The following TPBG variants were observed in gnomAD, a reference collection of about 807,000 sequenced individuals.
The protein encoded by TPBG is trophoblast glycoprotein.
TPBG carries 13 observed loss-of-function variants against 19.3 expected under a neutral mutation model. That is an observed-to-expected ratio of 0.67 (90% CI 0.44 to 1.07). The LOEUF is 1.07. Among genes scored for constraint, TPBG ranks in the 50% least tolerant of loss-of-function variants. The pLI is 0.00. For synonymous variants in TPBG, 338 were observed against 259.8 expected (o/e 1.30, Z -2.89); for missense variants, 642 against 559.6 (o/e 1.15, Z -1.49).
Position 82,365,107 on chromosome 6 carries a change from C to G in TPBG, c.146C>G (p.Ala49Gly). 6.3e-7 allele frequency: 1 copy of G among 1,587,398 alleles called. No individual in the cohort carries two copies. The highest frequency in any genetic ancestry group is 8.6e-7 in the Non-Finnish European group (1 of 1,167,154). ...TTCTCCTCCTCGGCGCCGTTCCTGG[C>G]TTCCGCCGTGTCCGCCCAGCCCCCG... ...SSFSSSAPFL[A>G]SAVSAQPPLP... Residue 49 changes from alanine (A) to glycine (G), a missense_variant, in exon 2 of 2, where the codon GCT (alanine) becomes GGT (glycine). Physicochemically the swap from Ala to Gly is moderately conservative, Grantham distance 60 (BLOSUM62 0). Coordinates refer to ENST00000369750, the MANE Select transcript of TPBG (RefSeq NM_001376922.1).
rs1375913603 is a variant in TPBG at position 82,364,973 on chromosome 6, G to C, written c.12G>C (p.Gly4=). 6.6e-7 allele frequency: 1 copy of C among 1,509,106 alleles called. No homozygotes were observed. Among genetic ancestry groups the C allele is most frequent in the Non-Finnish European group, 8.8e-7 (1 of 1,131,280 alleles). The allele number at this position is 1,509,106 out of a possible 1,614,324, so 93.5% of individuals were successfully genotyped here. The change falls in exon 2 of 2, where the codon GGG becomes GGC. Residue 4 remains glycine (G), a synonymous_variant. Coordinates refer to ENST00000369750, the MANE Select transcript of TPBG (RefSeq NM_001376922.1). ...AAACGCGAGCCGCGATGCCTGGGGG[G>C]TGCTCCCGGGGCCCCGCCGCCGGGG... MPG[G]CSRGPAAGDG...
At position 82,366,874 on chromosome 6, in the gene TPBG, C is replaced by T. The variant is rs1767519160; in HGVS notation, c.*650C>T. ...CTGATTTTTTTTTAATAAACTGCAT[C>T]GAGATCCAACCGACTGAATTGTTAA... On this transcript the variant is annotated 3_prime_UTR_variant, in exon 2 of 2. Transcript: ENST00000369750. 1 of 163,062 alleles carries T rather than the reference C, an allele frequency of 6.1e-6. No homozygotes were observed. The highest frequency in any genetic ancestry group is 1.5e-5 in the Non-Finnish European group (1 of 67,554). 10.1% of individuals were successfully genotyped at this position (163,062 alleles called of 1,614,324 possible).
At position 82,365,474 on chromosome 6, in the gene TPBG, C is replaced by T. The variant is rs1470679643; in HGVS notation, c.513C>T (p.Ala171=). Residue 171 remains alanine, a synonymous_variant, in exon 2 of 2, where the codon GCC becomes GCT. Transcript: ENST00000369750. ...AFSGSNASVS[A]PSPLVELILN... is the part of the protein sequence containing the mutation. ...CGGGCAGCAATGCCAGCGTCTCGGC[C>T]CCCAGTCCCCTTGTGGAACTGATCC... The T allele has an allele frequency of 3.7e-6, 6 of 1,608,518 alleles. No individual in the cohort carries two copies. The highest frequency in any genetic ancestry group is 2.2e-5 in the East Asian group (1 of 44,862).
rs778997503 is a variant in TPBG at position 82,365,530 on chromosome 6, G to A, written c.569G>A (p.Arg190Gln). The change falls in exon 2 of 2, where the codon CGG becomes CAG. Residue 190 changes from arginine to glutamine, a missense_variant. Arg to Gln is a conservative substitution (Grantham distance 43). Transcript: ENST00000369750. Reference protein sequence around the residue: ...LNHIVPPEDERQNRSFEGMVV... With the variant: ...LNHIVPPEDEQQNRSFEGMVV... ...CACATCGTGCCCCCTGAAGATGAGCGGCAGAACCGGAGCTTCGAGGGCATG... is the reference window on the plus strand; with the variant it reads ...CACATCGTGCCCCCTGAAGATGAGCAGCAGAACCGGAGCTTCGAGGGCATG... The A allele has an allele frequency of 2.5e-6, 4 of 1,575,818 alleles. 1 individual carries two copies. The highest frequency in any genetic ancestry group is 2.4e-5 in the South Asian group (2 of 84,044).
At position 82,366,554 on chromosome 6, in the gene TPBG, CCA is replaced by C; in HGVS notation, c.*335_*336del. ...ACAGTTCAAGGTGTAGCAAGTGTACCCACACAGATAGCATTCAACAAAAGCTG... is the reference window on the plus strand; with the variant it reads ...ACAGTTCAAGGTGTAGCAAGTGTACCCACAGATAGCATTCAACAAAAGCTG... On this transcript the variant is annotated 3_prime_UTR_variant, in exon 2 of 2. Transcript: ENST00000369750. 1 of 220,952 alleles carries C rather than the reference CCA, an allele frequency of 4.5e-6. No individual in the cohort carries two copies. Among genetic ancestry groups the C allele is most frequent in the Non-Finnish European group, 9.7e-6 (1 of 103,582 alleles). 13.7% of individuals were successfully genotyped at this position (220,952 alleles called of 1,614,324 possible).
Position 82,366,243 on chromosome 6 carries a change from C to A in TPBG, c.*19C>A, listed in dbSNP as rs1767500898. On this transcript the variant is annotated 3_prime_UTR_variant, in exon 2 of 2. Coordinates refer to ENST00000369750, the MANE Select transcript of TPBG (RefSeq NM_001376922.1). ...TGTCTGAGAAATATTAGAGGACAGA[C>A]CAAGGACAACTCTGCATGAGATGTA... The A allele has an allele frequency of 6.4e-7, 1 of 1,555,168 alleles. No individual in the cohort carries two copies. The highest frequency in any genetic ancestry group is 1.4e-5 in the African/African-American group (1 of 73,064).
At position 82,365,856 on chromosome 6, in the gene TPBG, G is replaced by T; in HGVS notation, c.895G>T (p.Asp299Tyr). Residue 299 changes from aspartate (D) to tyrosine (Y), a missense_variant, in exon 2 of 2, where the codon GAC becomes TAC. Asp to Tyr is a radical substitution (Grantham distance 160, BLOSUM62 -3). Transcript: ENST00000369750. ...VFLDNNPWVCDCHMADMVTWL... is the reference protein window; with the variant it reads ...VFLDNNPWVCYCHMADMVTWL... ...CCTGGACAACAATCCCTGGGTCTGC[G>T]ACTGCCACATGGCAGACATGGTGAC... The T allele has an allele frequency of 6.2e-7, 1 of 1,614,152 alleles. No individual in the cohort carries two copies. The highest frequency in any genetic ancestry group is 8.5e-7 in the Non-Finnish European group (1 of 1,180,040).
chr6:82,365,179 G>A lies in TPBG; in HGVS notation c.218G>A (p.Arg73His), dbSNP rs769819568. 2 of 1,601,458 alleles carry A rather than the reference G, an allele frequency of 1.2e-6. No homozygotes were observed. The highest frequency in any genetic ancestry group is 1.4e-5 in the African/African-American group (1 of 73,492). ...PALCECSEAA[R>H]TVKCVNRNLT... ...CTGTGCGAGTGCTCCGAGGCAGCGCGCACAGTCAAGTGCGTTAACCGCAAT... is the reference window on the plus strand; with the variant it reads ...CTGTGCGAGTGCTCCGAGGCAGCGCACACAGTCAAGTGCGTTAACCGCAAT... Residue 73 changes from arginine to histidine, a missense_variant, in exon 2 of 2, where the codon CGC becomes CAC. Arg to His is a conservative substitution (Grantham distance 29, BLOSUM62 0). Coordinates refer to ENST00000369750, the MANE Select transcript of TPBG (RefSeq NM_001376922.1).
At position 82,364,841 on chromosome 6, in the gene TPBG, C is replaced by T. The variant is rs1309320479; in HGVS notation, c.-121C>T. On this transcript the variant is annotated 5_prime_UTR_variant, in exon 2 of 2. Coordinates refer to ENST00000369750, the MANE Select transcript of TPBG (RefSeq NM_001376922.1). ...CGGCTGCGGCGCCACTCCCTCGGTT[C>T]CACGAGAGGAAAGTTTTTTTTTTCC... is the stretch of plus-strand genomic sequence containing the variant. The T allele has an allele frequency of 1.2e-5, 11 of 900,754 alleles. No homozygotes were observed. Among genetic ancestry groups the T allele is most frequent in the Non-Finnish European group, 1.7e-5 (11 of 648,388 alleles). 55.8% of individuals were successfully genotyped at this position (900,754 alleles called of 1,614,324 possible). A position where few individuals can be genotyped will look rare whatever the true frequency, so the allele number is the denominator to read the frequency against.
chr6:82,364,072 A>G (rs1465712832), intron 1 of TPBG, among the ~76,000 whole-genome samples, 164 bp downstream of exon 1: 1 of 150,330 alleles, frequency 6.7e-6, no homozygotes, highest in African/African-American at 2.5e-5. Flanking sequence ...GATGACTTGA[A>G]CCCCTTTGAG....
rs757395569 is a variant in TPBG at position 82,365,339 on chromosome 6, C to T, written c.378C>T (p.Ser126=). ...PLAELAALNL[S]GSRLDEVRAG... is the part of the protein sequence containing the mutation. ...CGGAGCTGGCCGCGCTCAACCTCAGCGGCAGCCGCCTGGACGAGGTGCGCG... is the reference window on the plus strand; with the variant it reads ...CGGAGCTGGCCGCGCTCAACCTCAGTGGCAGCCGCCTGGACGAGGTGCGCG... The change falls in exon 2 of 2, where the codon AGC becomes AGT. Residue 126 remains serine, a synonymous_variant. Coordinates refer to ENST00000369750, the MANE Select transcript of TPBG (RefSeq NM_001376922.1). 1 of 1,577,578 alleles carries T rather than the reference C, an allele frequency of 6.3e-7. No homozygotes were observed. The highest frequency in any genetic ancestry group is 1.1e-5 in the South Asian group (1 of 87,014).
upstream of TPBG, chr6:82,363,551 A>AT (rs986558907): frequency 1.1e-4 from 16 of 152,252 alleles, no homozygotes; most frequent in African/African-American, 3.4e-4. Context: ...TAAATACAGT[A>AT]TGCAAAATGA....
At position 82,364,967 on chromosome 6, in the gene TPBG, T is replaced by G; in HGVS notation, c.6T>G (p.Pro2=). 6.6e-7 allele frequency: 1 copy of G among 1,504,936 alleles called. No individual in the cohort carries two copies. The highest frequency in any genetic ancestry group is 1.3e-5 in the South Asian group (1 of 75,314). 93.2% of individuals were successfully genotyped at this position (1,504,936 alleles called of 1,614,324 possible). M[P]GGCSRGPAAG... is the part of the protein sequence containing the mutation. Reference sequence around the variant, plus strand: ...CCGGGGAAACGCGAGCCGCGATGCCTGGGGGGTGCTCCCGGGGCCCCGCCG... The same window carrying G: ...CCGGGGAAACGCGAGCCGCGATGCCGGGGGGGTGCTCCCGGGGCCCCGCCG... Residue 2 remains proline, a synonymous_variant, in exon 2 of 2, where the codon CCT becomes CCG. Coordinates refer to ENST00000369750, the MANE Select transcript of TPBG (RefSeq NM_001376922.1).
At chr6:82,364,185 G>C (rs1178628732) in intron 1 of TPBG, 1 of 152,402 alleles carries the variant, frequency 6.6e-6, no homozygotes, top group Admixed American at 6.5e-5. Flanking sequence ...CCTGTAACCT[G>C]AAACTTCCCT....
chr6:82,363,211 C>G (rs1354192527), upstream of TPBG: 2 of 150,824 alleles, frequency 1.3e-5, no homozygotes, highest in African/African-American at 2.4e-5. Flanking sequence ...TTTTCTTTCT[C>G]TCTCTCTCTC....
rs1435195872 is a variant in TPBG at position 82,364,740 on chromosome 6, G to A, written c.-222G>A. On this transcript the variant is annotated 5_prime_UTR_variant, in exon 2 of 2. Transcript: ENST00000369750. ...AGCGGAGCGTCCCGACCCGCCGTGC[G>A]TACTTTCTGGAGGGAAGGGGCGGGG... The A allele has an allele frequency of 6.6e-6, 3 of 456,304 alleles. No individual in the cohort carries two copies. The highest frequency in any genetic ancestry group is 1.1e-5 in the Non-Finnish European group (3 of 263,922). The allele number at this position is 456,304 out of a possible 1,614,324, so 28.3% of individuals were successfully genotyped here. A position where few individuals can be genotyped will look rare whatever the true frequency, so the allele number is the denominator to read the frequency against.
At position 82,364,893 on chromosome 6, in the gene TPBG, C is replaced by T; in HGVS notation, c.-69C>T. ...GACGCTTCCGCCGGCTCGCGCCCTCCGGGCCCAGCCTCCCGAGCCTTCGGA... is the reference window on the plus strand; with the variant it reads ...GACGCTTCCGCCGGCTCGCGCCCTCTGGGCCCAGCCTCCCGAGCCTTCGGA... On this transcript the variant is annotated 5_prime_UTR_variant, in exon 2 of 2. Transcript: ENST00000369750. 20 of 1,293,818 alleles carry T rather than the reference C, an allele frequency of 1.5e-5. No homozygotes were observed. The South Asian group carries it at 3.4e-4, about 22-fold the overall frequency. The allele number at this position is 1,293,818 out of a possible 1,614,324, so 80.1% of individuals were successfully genotyped here.
Position 82,365,088 on chromosome 6 carries a change from T to G in TPBG, c.127T>G (p.Ser43Ala). 6.4e-7 allele frequency: 1 copy of G among 1,568,820 alleles called. No homozygotes were observed. The highest frequency in any genetic ancestry group is 8.6e-7 in the Non-Finnish European group (1 of 1,157,050). Residue 43 changes from serine (S) to alanine (A), a missense_variant, in exon 2 of 2, where the codon TCC becomes GCC. Ser to Ala is a moderately conservative substitution (Grantham distance 99, BLOSUM62 1). Coordinates refer to ENST00000369750, the MANE Select transcript of TPBG (RefSeq NM_001376922.1). Reference protein sequence around the residue: ...SPTSSASSFSSSAPFLASAVS... With the variant: ...SPTSSASSFSASAPFLASAVS... Reference sequence around the variant, plus strand: ...CACCTCCTCGGCATCCTCCTTCTCCTCCTCGGCGCCGTTCCTGGCTTCCGC... The same window carrying G: ...CACCTCCTCGGCATCCTCCTTCTCCGCCTCGGCGCCGTTCCTGGCTTCCGC...
Position 82,365,617 on chromosome 6 carries a change from G to A in TPBG, c.656G>A (p.Ser219Asn). ...GGGCTCCGCCGCTTGGAGCTGGCCA[G>A]CAACCACTTCCTTTACCTGCCGCGG... ...LQGLRRLELA[S>N]NHFLYLPRDV... Residue 219 changes from serine to asparagine, a missense_variant, in exon 2 of 2, where the codon AGC becomes AAC. Physicochemically the swap from Ser to Asn is conservative, Grantham distance 46. Coordinates refer to ENST00000369750, the MANE Select transcript of TPBG (RefSeq NM_001376922.1). 1 of 1,603,416 alleles carries A rather than the reference G, an allele frequency of 6.2e-7. No homozygotes were observed. The highest frequency in any genetic ancestry group is 1.7e-4 in the Middle Eastern group (1 of 6,014).
Sources: allele counts gnomAD v4.1 joint callset (sites outside exome capture counted in the v4.1 genomes callset), GRCh38; gene constraint gnomAD v4.1.1; transcripts MANE v1.5; gene names NCBI Gene and HGNC (gene_info 2026-07-23, HGNC 2026-07-21).